The following ZNF638 variants were observed in gnomAD, a reference collection of about 807,000 sequenced individuals.
ZNF638 encodes the protein zinc finger protein 638.
ZNF638 carries 46 observed loss-of-function variants against 195.6 expected under a neutral mutation model. That is an observed-to-expected ratio of 0.24 (90% CI 0.19 to 0.30). ZNF638 has a LOEUF of 0.30. Ranked by LOEUF, ZNF638 falls within the 10% of genes least tolerant of loss-of-function variation. The probability of loss-of-function intolerance (pLI) is 1.00; values close to 1 mark genes in which losing one functional copy is unlikely to be tolerated. For missense variants in ZNF638, 2,440 were observed against 2,325.3 expected (o/e 1.05, Z -1.01); for synonymous variants, 845 against 772.0 (o/e 1.09, Z -1.57).
intron 6 of ZNF638, among the ~76,000 whole-genome samples, 160 bp from the exon 7 acceptor site, chr2:71,368,222 G>T (rs930057753): frequency 6.6e-6 from 1 of 152,092 alleles, no homozygotes; most frequent in African/African-American, 2.4e-5. Flanking sequence ...TTAAAAATGC[G>T]TAAAGGAGGT....
intron 1 of ZNF638, among the ~76,000 whole-genome samples, chr2:71,346,821 A>G (rs2078857646): frequency 6.6e-6 from 1 of 152,116 alleles, no homozygotes; most frequent in South Asian, 2.1e-4. Context: ...GGAGTTTGAG[A>G]CCAGCCTGGC....
At chr2:71,370,474 T>C (rs866390136) in intron 8 of ZNF638, among the ~76,000 whole-genome samples, 31 of 152,210 alleles carry the variant, frequency 2.0e-4, no homozygotes, top group African/African-American at 6.8e-4. Flanking sequence ...TCAAGTTTTG[T>C]AACTTTAATT....
At chr2:71,424,940 G>C (rs963639299) in intron 23 of ZNF638, among the ~76,000 whole-genome samples, 3 of 151,910 alleles carry the variant, frequency 2.0e-5, no homozygotes, top group Admixed American at 1.3e-4. Context: ...CGGGGGGAGC[G>C]GGCAAAATGT....
chr2:71,425,440 G>T (rs186353721), intron 23 of ZNF638, among the ~76,000 whole-genome samples: 337 of 152,130 alleles, frequency 2.2e-3, no homozygotes, highest in Non-Finnish European at 3.5e-3. Flanking sequence ...ATTCTCCCTA[G>T]AAATTACAGG....
chr2:71,393,428 A>G (rs754613624), intron 10 of ZNF638: 7 of 718,664 alleles, frequency 9.7e-6, no homozygotes, highest in South Asian at 8.9e-5. Flanking sequence ...GCATCAGACC[A>G]TACCATGGCG....
intron 10 of ZNF638, 147 bp downstream of exon 10, chr2:71,380,712 C>T (rs771625190): frequency 4.6e-5 from 24 of 526,754 alleles, no homozygotes; most frequent in Middle Eastern, 3.0e-4. Context: ...ATTAAGCAGG[C>T]GGTTAATATT....
At chr2:71,410,990 C>T (rs961793949) in intron 20 of ZNF638, among the ~76,000 whole-genome samples, 1 of 74,464 alleles carries the variant, frequency 1.3e-5, no homozygotes, top group African/African-American at 4.4e-5. Flanking sequence ...ACCTCCCCCC[C>T]CCTTTTTTTT....
Position 71,427,111 on chromosome 2 carries a change from T to G in ZNF638, c.5242T>G (p.Leu1748Val), listed in dbSNP as rs760107341. Residue 1748 changes from leucine (L) to valine (V), a missense_variant, in exon 24 of 28, where the codon TTA becomes GTA. By Grantham distance (32) the Leu-to-Val change is conservative. Around this residue, in one of 5 missense-constraint regions of ZNF638, gnomAD observed 1,883 missense variants for 1,739.1 expected, o/e 1.08. Transcript: ENST00000264447. ...EIQDDSSDLH[L>V]VTLDEVTEED... ...ACAAGATGACAGCAGTGATTTGCAT[T>G]TAGTGACTTTGGATGAAGTAACTGA... 1 of 1,614,182 alleles carries G rather than the reference T, an allele frequency of 6.2e-7. No individual in the cohort carries two copies. Among genetic ancestry groups the G allele is most frequent in the East Asian group, 2.2e-5 (1 of 44,880 alleles).
At chr2:71,426,359 A>G in intron 23 of ZNF638, 101 bp from the exon 24 acceptor site, 1 of 889,246 alleles carries the variant, frequency 1.1e-6, no homozygotes, top group East Asian at 2.5e-5. Context: ...TTGCACTGAA[A>G]TTCTCCCAAA....
chr2:71,417,478 T>C (rs915271741), intron 20 of ZNF638, among the ~76,000 whole-genome samples: 2 of 152,232 alleles, frequency 1.3e-5, no homozygotes, highest in African/African-American at 4.8e-5. Context: ...GAGCTGTTCC[T>C]ATTCGGCCAT....
intron 1 of ZNF638, chr2:71,341,665 A>G (rs1289432904): frequency 6.6e-6 from 1 of 152,164 alleles, no homozygotes; most frequent in Non-Finnish European, 1.5e-5. Context: ...TTTCCCCAAC[A>G]AGTTAATAGT....
chr2:71,403,476 C>A (rs1312874190), intron 16 of ZNF638, among the ~76,000 whole-genome samples: 1 of 152,106 alleles, frequency 6.6e-6, no homozygotes, highest in Non-Finnish European at 1.5e-5. Flanking sequence ...TTTCATGTCT[C>A]ATATTTCTCA....
chr2:71,390,338 G>A (rs974819660), intron 10 of ZNF638, among the ~76,000 whole-genome samples: 5 of 152,118 alleles, frequency 3.3e-5, no homozygotes, highest in African/African-American at 1.2e-4. Context: ...CTGCCCCAAC[G>A]AATTAGTGCT....
chr2:71,428,598 A>C lies in ZNF638; in HGVS notation c.5597A>C (p.Lys1866Thr). ...VRIGKTLPSE[K>T]AVVTEPAKGE... is the part of the protein sequence containing the mutation. ...ATTGGGAAAACTCTGCCATCAGAAA[A>C]AGCTGTTGTGACAGAACCAGCAAAA... The change falls in exon 25 of 28, where the codon AAA (lysine) becomes ACA (threonine). Residue 1866 changes from lysine (K) to threonine (T), a missense_variant. By Grantham distance (78) the Lys-to-Thr change is moderately conservative. This residue lies in a region of ZNF638 where 1,883 missense variants were observed against 1,739.1 expected (regional missense o/e 1.08). Coordinates refer to ENST00000264447, the MANE Select transcript of ZNF638 (RefSeq NM_014497.5). 2 of 1,614,136 alleles carry C rather than the reference A, an allele frequency of 1.2e-6. No homozygotes were observed. The highest frequency in any genetic ancestry group is 1.7e-6 in the Non-Finnish European group (2 of 1,180,004).
At chr2:71,404,047 G>A in intron 17 of ZNF638, 49 bp downstream of exon 17, 1 of 1,556,534 alleles carries the variant, frequency 6.4e-7, no homozygotes, top group Non-Finnish European at 8.7e-7. Flanking sequence ...TTTTAAATCA[G>A]ATTTGTTACA....
At position 71,427,019 on chromosome 2, in the gene ZNF638, A is replaced by G. The variant is rs1226544108; in HGVS notation, c.5150A>G (p.Asp1717Gly). ...GGAAATGAAGGAGATACTGTAAGGG[A>G]TTCCATTGGCTTCATTTCTTCTCAG... The part of the protein sequence containing the change: ...TKGNEGDTVR[D>G]SIGFISSQVP... Residue 1717 changes from aspartate to glycine, a missense_variant, in exon 24 of 28, where the codon GAT (aspartate) becomes GGT (glycine). Asp to Gly is a moderately conservative substitution (Grantham distance 94, BLOSUM62 -1). Around this residue, in one of 5 missense-constraint regions of ZNF638, gnomAD observed 1,883 missense variants for 1,739.1 expected, o/e 1.08. Coordinates refer to ENST00000264447, the MANE Select transcript of ZNF638 (RefSeq NM_014497.5). The G allele has an allele frequency of 3.7e-6, 6 of 1,613,228 alleles. No homozygotes were observed. Among genetic ancestry groups the G allele is most frequent in the Non-Finnish European group, 8.5e-7 (1 of 1,179,774 alleles).
intron 23 of ZNF638, among the ~76,000 whole-genome samples, chr2:71,425,144 A>G (rs1341512321): frequency 2.6e-5 from 4 of 152,122 alleles, no homozygotes; most frequent in Non-Finnish European, 5.9e-5. Flanking sequence ...TCTAAGATTA[A>G]CTTTACTGGT....
intron 10 of ZNF638, among the ~76,000 whole-genome samples, chr2:71,386,796 T>G (rs1232496695): frequency 6.6e-6 from 1 of 152,166 alleles, no homozygotes; most frequent in Admixed American, 6.5e-5. Context: ...AAAATGAGCC[T>G]TAAATGAAAA....
At chr2:71,379,858 T>A (rs1167869678) in intron 8 of ZNF638, 1 of 154,036 alleles carries the variant, frequency 6.5e-6, no homozygotes, top group East Asian at 1.9e-4. Context: ...GAAGGGAGCG[T>A]TTTTCTATTT....
Sources: allele counts gnomAD v4.1 joint callset (sites outside exome capture counted in the v4.1 genomes callset), GRCh38; gene constraint gnomAD v4.1.1; regional missense constraint gnomAD v4.1.1; transcripts MANE v1.5; gene names NCBI Gene and HGNC (gene_info 2026-07-23, HGNC 2026-07-21).